Variants in BANK1 observed in about 807,000 individuals in gnomAD.
BANK1 encodes B cell scaffold protein with ankyrin repeats 1, also known as B-cell scaffold protein with ankyrin repeats.
Under a neutral mutation model 94.5 loss-of-function variants are expected in BANK1, and 95 were observed. The observed-to-expected ratio is 1.00, with a 90% confidence interval of 0.85 to 1.19. The LOEUF (loss-of-function observed/expected upper bound fraction) is 1.19, where lower values mean the gene tolerates loss of function less well. Among genes scored for constraint, BANK1 ranks in the 50% most tolerant of loss-of-function variants. BANK1 has a pLI of 0.00. For synonymous variants in BANK1, 334 were observed against 308.4 expected, an observed-to-expected ratio of 1.08 and a Z score of -0.87; for missense variants, 987 against 932.2, an observed-to-expected ratio of 1.06 and a Z score of -0.77.
chr4:101,919,920 CAT>C (rs753940392), intron 7 of BANK1, among the ~76,000 whole-genome samples: 3 of 151,910 alleles, frequency 2.0e-5, no homozygotes, highest in African/African-American at 4.8e-5. Context: ...GAAAATGAAA[CAT>C]ATGTATTATA....
intron 6 of BANK1, among the ~76,000 whole-genome samples, chr4:101,906,713 C>A (rs1004816537): frequency 6.6e-6 from 1 of 152,196 alleles, no homozygotes; most frequent in Non-Finnish European, 1.5e-5. Context: ...ACCATTGTTA[C>A]CCTGATGCTT....
At chr4:101,959,543 G>A (rs1263734917) in intron 7 of BANK1, among the ~76,000 whole-genome samples, 1 of 152,178 alleles carries the variant, frequency 6.6e-6, no homozygotes, top group Admixed American at 6.5e-5. Flanking sequence ...AAATGCCAAG[G>A]CAAGGCTAAA....
intron 1 of BANK1, among the ~76,000 whole-genome samples, chr4:101,818,234 C>T (rs770560930): frequency 3.9e-5 from 6 of 152,080 alleles, no homozygotes; most frequent in Non-Finnish European, 8.8e-5. Context: ...CAAGTGACTG[C>T]AAACTGATTA....
At chr4:102,031,761 G>C (rs762997473) in intron 10 of BANK1, among the ~76,000 whole-genome samples, 3 of 152,008 alleles carry the variant, frequency 2.0e-5, no homozygotes, top group African/African-American at 7.3e-5. Flanking sequence ...ATCCACCTAA[G>C]AGAAACATAA....
intron 7 of BANK1, among the ~76,000 whole-genome samples, chr4:102,011,097 A>C (rs1726498430): frequency 6.6e-6 from 1 of 152,228 alleles, no homozygotes; most frequent in Non-Finnish European, 1.5e-5. Context: ...TCTTACTATG[A>C]AATCATCCTT....
intron 5 of BANK1, among the ~76,000 whole-genome samples, chr4:101,874,854 G>C (rs1024152877): frequency 5.3e-5 from 8 of 152,104 alleles, no homozygotes; most frequent in African/African-American, 1.7e-4. Context: ...CTGATACAAG[G>C]GGGCAACTAA....
At chr4:102,022,839 A>T (rs2850390) in intron 8 of BANK1, among the ~76,000 whole-genome samples, 1 of 151,940 alleles carries the variant, frequency 6.6e-6, no homozygotes, top group African/African-American at 2.4e-5. Context: ...TCTCACCATT[A>T]TCTTACTCAT....
At chr4:101,998,906 G>T (rs951186937) in intron 7 of BANK1, among the ~76,000 whole-genome samples, 1 of 152,018 alleles carries the variant, frequency 6.6e-6, no homozygotes, top group Non-Finnish European at 1.5e-5. Context: ...ATGTCCTACT[G>T]CCTCCTAGTT....
chr4:101,837,944 C>G (rs1053468403), intron 2 of BANK1, among the ~76,000 whole-genome samples: 1 of 146,004 alleles, frequency 6.8e-6, no homozygotes, highest in Non-Finnish European at 1.5e-5. Context: ...CTCTCCCTCT[C>G]CCTCCCCTCT....
intron 1 of BANK1, among the ~76,000 whole-genome samples, chr4:101,797,888 C>T (rs1440276603): frequency 6.6e-6 from 1 of 152,112 alleles, no homozygotes; most frequent in African/African-American, 2.4e-5. Context: ...GTATTTAAAA[C>T]TACAACAATG....
At chr4:101,904,320 A>AT (rs538470172) in intron 6 of BANK1, among the ~76,000 whole-genome samples, 119 of 152,258 alleles carry the variant, frequency 7.8e-4, no homozygotes, top group African/African-American at 2.7e-3. Flanking sequence ...CATTTGCCTG[A>AT]TTTTTTCTTA....
At chr4:102,018,338 T>C (rs937245340) in intron 7 of BANK1, among the ~76,000 whole-genome samples, 3 of 152,230 alleles carry the variant, frequency 2.0e-5, no homozygotes, top group Admixed American at 2.0e-4. Context: ...ATGTGCTTTA[T>C]AAAAGCTGGT....
intron 7 of BANK1, among the ~76,000 whole-genome samples, chr4:101,963,497 C>T (rs976611684): frequency 1.3e-5 from 2 of 152,086 alleles, no homozygotes; most frequent in African/African-American, 4.8e-5. Flanking sequence ...TAGTTGTTTA[C>T]ACATATGCCA....
In BANK1 at chr4:102,074,682, T is replaced by C. The variant is rs1381178495; in HGVS notation, c.*683T>C. ...TACTAGCTTAGAATAGAAAGCAATG[T>C]TATCGTCATATAATTTTCATGTACA... On this transcript the variant is annotated 3_prime_UTR_variant, in exon 17 of 17. Coordinates refer to ENST00000322953, the MANE Select transcript of BANK1 (RefSeq NM_017935.5). 3 of 152,078 alleles carry C rather than the reference T, an allele frequency of 2.0e-5. No individual in the cohort carries two copies. The highest frequency in any genetic ancestry group is 7.2e-5 in the African/African-American group (3 of 41,444). 9.4% of individuals were successfully genotyped at this position (152,078 alleles called of 1,614,324 possible). A position where few individuals can be genotyped will look rare whatever the true frequency, so the allele number is the denominator to read the frequency against.
chr4:101,926,319 T>G (rs1255042071), intron 7 of BANK1, among the ~76,000 whole-genome samples: 2 of 151,710 alleles, frequency 1.3e-5, no homozygotes, highest in Non-Finnish European at 3.0e-5. Context: ...CTTTGTGATA[T>G]ATATATAGAT....
intron 5 of BANK1, among the ~76,000 whole-genome samples, chr4:101,873,541 G>A (rs1297291635): frequency 2.0e-5 from 3 of 152,114 alleles, no homozygotes; most frequent in East Asian, 1.9e-4. Flanking sequence ...AGCAAAATGA[G>A]CGTTCTGTGA....
chr4:101,878,501 T>C (rs1728569454), intron 5 of BANK1, among the ~76,000 whole-genome samples: 2 of 152,170 alleles, frequency 1.3e-5, no homozygotes, highest in South Asian at 2.1e-4. Flanking sequence ...CTCAATATAA[T>C]AATAGCTTGA....
chr4:101,867,765 T>TAA (rs138851612), intron 4 of BANK1, among the ~76,000 whole-genome samples: 5 of 147,582 alleles, frequency 3.4e-5, no homozygotes, highest in African/African-American at 1.2e-4. Context: ...AAAAAATAAA[T>TAA]ATAAATAAAT....
chr4:101,901,049 C>CAG (rs1429431534), intron 6 of BANK1, among the ~76,000 whole-genome samples: 2 of 152,096 alleles, frequency 1.3e-5, no homozygotes, highest in Non-Finnish European at 2.9e-5. Flanking sequence ...TGTCCTACTC[C>CAG]AGAGAGAAGT....
Sources: allele counts gnomAD v4.1 joint callset (sites outside exome capture counted in the v4.1 genomes callset), GRCh38; gene constraint gnomAD v4.1.1; transcripts MANE v1.5; gene names NCBI Gene and HGNC (gene_info 2026-07-23, HGNC 2026-07-21).